The following IFTAP variants were observed in gnomAD, a reference collection of about 807,000 sequenced individuals.
The protein encoded by IFTAP is intraflagellar transport associated protein.
IFTAP carries 19 observed loss-of-function variants against 19.4 expected under a neutral mutation model. The ratio of observed to expected loss-of-function variants is 0.98; its 90% CI spans 0.68 to 1.44. IFTAP has a LOEUF of 1.44. IFTAP is among the 40% of genes most tolerant of loss of function. The probability of loss-of-function intolerance (pLI) is 0.00; values close to 1 mark genes in which losing one functional copy is unlikely to be tolerated. For synonymous variants in IFTAP, 85 were observed against 83.5 expected (o/e 1.02, Z -0.10); for missense variants, 240 against 253.6 (o/e 0.95, Z 0.36).
chr11:36,648,167 G>C lies in IFTAP; in HGVS notation c.498+12G>C. The C allele has an allele frequency of 6.2e-7, 1 of 1,610,640 alleles. No homozygotes were observed. The highest frequency in any genetic ancestry group is 8.5e-7 in the Non-Finnish European group (1 of 1,178,160). ...AACAGACGGAAGAGGTACTCCACAG[G>C]GAATTCAGTCATTCTCCACACTGCC... On this transcript the variant is annotated intron_variant, in intron 5 of 5. Coordinates refer to ENST00000334307, the MANE Select transcript of IFTAP (RefSeq NM_138787.4).
chr11:36,642,235 A>G lies in IFTAP; in HGVS notation c.359-5781A>G, dbSNP rs558008996. ...CAGAGAATACTATAAACACCTCTACACAAATAAACTAGAAAATCTAGAAGA... is the reference window on the plus strand; with the variant it reads ...CAGAGAATACTATAAACACCTCTACGCAAATAAACTAGAAAATCTAGAAGA... On this transcript the variant is annotated intron_variant, in intron 4 of 5. Coordinates refer to ENST00000334307, the MANE Select transcript of IFTAP (RefSeq NM_138787.4). Among the ~76,000 whole-genome samples, 138 of 152,310 alleles carry G rather than the reference A, an allele frequency of 9.1e-4. 2 individuals carry two copies. The South Asian group carries it at 0.016, about 18-fold the overall frequency.
intron 1 of IFTAP, among the ~76,000 whole-genome samples, chr11:36,596,569 G>A (rs1312247457): frequency 6.6e-6 from 1 of 152,154 alleles, no homozygotes; most frequent in East Asian, 1.9e-4. Flanking sequence ...ACTAAAAGGA[G>A]ACATTATTGA....
At chr11:36,619,919 TATC>T (rs923440386) in intron 2 of IFTAP, among the ~76,000 whole-genome samples, 7 of 151,832 alleles carry the variant, frequency 4.6e-5, no homozygotes, top group African/African-American at 1.5e-4. Context: ...TAATTGAAAA[TATC>T]ATGGCAAATA....
At chr11:36,604,810 A>G (rs889478378) in intron 1 of IFTAP, among the ~76,000 whole-genome samples, 5 of 151,930 alleles carry the variant, frequency 3.3e-5, no homozygotes, top group South Asian at 2.1e-4. Flanking sequence ...TCTTTCCCAT[A>G]CTCATTTATT....
chr11:36,617,490 T>C (rs1345295853), intron 2 of IFTAP, among the ~76,000 whole-genome samples: 2 of 151,894 alleles, frequency 1.3e-5, no homozygotes, highest in Non-Finnish European at 2.9e-5. Context: ...TCTAAAATTT[T>C]TATATTCTCA....
intron 2 of IFTAP, among the ~76,000 whole-genome samples, chr11:36,632,387 A>AGCT (rs779395366): frequency 6.6e-6 from 1 of 151,228 alleles, no homozygotes; most frequent in Non-Finnish European, 1.5e-5. Flanking sequence ...CTACATTTGC[A>AGCT]GCTGCCTTTG....
intron 5 of IFTAP, among the ~76,000 whole-genome samples, chr11:36,654,569 ACC>A (rs1853893863): frequency 6.6e-6 from 1 of 151,978 alleles, no homozygotes. Flanking sequence ...TCTGTGCTTA[ACC>A]TATAGTTCTT....
At chr11:36,602,634 G>A (rs757112967) in intron 1 of IFTAP, among the ~76,000 whole-genome samples, 12 of 151,986 alleles carry the variant, frequency 7.9e-5, no homozygotes, top group African/African-American at 1.2e-4. Context: ...TGAATTACTC[G>A]CCGTTACTAC....
chr11:36,657,806 G>T (rs185203423), intron 5 of IFTAP, among the ~76,000 whole-genome samples: 1 of 152,160 alleles, frequency 6.6e-6, no homozygotes, highest in South Asian at 2.1e-4. Flanking sequence ...GAAACTCACC[G>T]TGGCAAACTC....
At chr11:36,657,002 G>A (rs1389760197) in intron 5 of IFTAP, among the ~76,000 whole-genome samples, 1 of 152,090 alleles carries the variant, frequency 6.6e-6, no homozygotes, top group East Asian at 1.9e-4. Context: ...TTAGAGGCTT[G>A]AAGGTAGAAT....
chr11:36,620,077 C>T (rs949475448), intron 2 of IFTAP, among the ~76,000 whole-genome samples: 7 of 151,744 alleles, frequency 4.6e-5, no homozygotes, highest in East Asian at 3.9e-4. Flanking sequence ...CCCAAGGGAG[C>T]GAGTAAGGAA....
intron 5 of IFTAP, among the ~76,000 whole-genome samples, chr11:36,655,970 TAA>T (rs965157769): frequency 6.6e-6 from 1 of 152,180 alleles, no homozygotes; most frequent in African/African-American, 2.4e-5. Context: ...TAAATGTATT[TAA>T]AAAAAACTTA....
At chr11:36,636,604 C>T (rs78066159) in intron 4 of IFTAP, among the ~76,000 whole-genome samples, 23,389 of 152,010 alleles carry the variant, frequency 0.15, 2,568 homozygotes, top group African/African-American at 0.31. Context: ...CAAGGCCTTC[C>T]CACATGTAGA....
At chr11:36,622,083 A>ATTTTTTT (rs199873596) in intron 2 of IFTAP, among the ~76,000 whole-genome samples, 9,877 of 136,082 alleles carry the variant, frequency 0.073, 506 homozygotes, top group African/African-American at 0.099. Flanking sequence ...CTCTTGTTCT[A>ATTTTTTT]TTTTTTATTT....
intron 5 of IFTAP, among the ~76,000 whole-genome samples, chr11:36,648,764 G>A (rs577083101): frequency 6.6e-6 from 1 of 152,214 alleles, no homozygotes; most frequent in Admixed American, 6.5e-5. Context: ...AGAAGAACAT[G>A]GGGGCAGCAT....
chr11:36,643,759 A>G (rs1853338835), intron 4 of IFTAP, among the ~76,000 whole-genome samples: 2 of 152,226 alleles, frequency 1.3e-5, no homozygotes. Flanking sequence ...AAGATTCCCT[A>G]TTTAATAAAT....
intron 5 of IFTAP, among the ~76,000 whole-genome samples, chr11:36,648,641 G>A (rs762158921): frequency 1.3e-5 from 2 of 152,056 alleles, no homozygotes; most frequent in Non-Finnish European, 2.9e-5. Context: ...GCTCCTTTTT[G>A]GGGGGTCATC....
At chr11:36,609,829 A>G (rs1219514907) in intron 1 of IFTAP, among the ~76,000 whole-genome samples, 2 of 152,174 alleles carry the variant, frequency 1.3e-5, no homozygotes, top group African/African-American at 4.8e-5. Context: ...ATATGAATAT[A>G]TGACAATATT....
intron 3 of IFTAP, among the ~76,000 whole-genome samples, chr11:36,634,249 G>T (rs1251271857): frequency 6.6e-6 from 1 of 152,132 alleles, no homozygotes; most frequent in African/African-American, 2.4e-5. Context: ...GAGAATGGTT[G>T]AATGACATTG....
Sources: gnomAD v4.1 joint callset for allele counts (sites outside exome capture counted in the v4.1 genomes callset) on GRCh38, gnomAD v4.1.1 for gene constraint, MANE v1.5 for transcripts, NCBI Gene and HGNC (gene_info 2026-07-23, HGNC 2026-07-21) for gene names.